The following IL1RAPL1 variants were observed in gnomAD, a reference collection of about 807,000 sequenced individuals.
IL1RAPL1 encodes interleukin-1 receptor accessory protein-like 1.
A neutral mutation model predicts 48.4 loss-of-function variants in IL1RAPL1; 3 were observed. The ratio of observed to expected loss-of-function variants is 0.06; its 90% CI spans 0.03 to 0.16. The LOEUF is 0.16. Ranked by LOEUF, IL1RAPL1 falls within the 10% of genes least tolerant of loss-of-function variation. IL1RAPL1 has a pLI of 1.00. For synonymous variants in IL1RAPL1, 185 were observed against 187.7 expected, an observed-to-expected ratio of 0.99 and a Z score of 0.12; for missense variants, 349 against 530.6, an observed-to-expected ratio of 0.66 and a Z score of 3.36.
At chrX:29,921,764 A>G (rs1054143860) in intron 8 of IL1RAPL1, among the ~76,000 whole-genome samples, 1 of 111,929 alleles carries the variant, frequency 8.9e-6, no homozygotes, top group African/African-American at 3.2e-5. Flanking sequence ...AAAGCATTTC[A>G]CTTTCACTGT....
At position 29,939,221 on chromosome X, in the gene IL1RAPL1, A is replaced by C. The variant is rs754732326; in HGVS notation, c.1058-2430A>C. On this transcript the variant is annotated intron_variant, in intron 8 of 10. Coordinates refer to ENST00000378993, the MANE Select transcript of IL1RAPL1 (RefSeq NM_014271.4). Reference sequence around the variant, plus strand: ...TAGCAATGTTTGGGAGTGGAAGCTAAGTGTTCTTGATTCTTTTTCCATTTC... The same window carrying C: ...TAGCAATGTTTGGGAGTGGAAGCTACGTGTTCTTGATTCTTTTTCCATTTC... Among the ~76,000 whole-genome samples, 4 of 112,284 alleles carry C rather than the reference A, an allele frequency of 3.6e-5. No individual in the cohort carries two copies. The South Asian group carries it at 1.5e-3, about 41-fold the overall frequency.
intron 1 of IL1RAPL1, among the ~76,000 whole-genome samples, chrX:28,599,007 A>G (rs1933989445): frequency 9.1e-6 from 1 of 109,406 alleles, no homozygotes; most frequent in Non-Finnish European, 1.9e-5. Flanking sequence ...TGGGAGGCCG[A>G]GGCAAGGGAA....
Position 28,750,341 on chromosome X carries a change from C to T in IL1RAPL1, c.-24-38979C>T, listed in dbSNP as rs113719556. 4.6e-3 allele frequency among the ~76,000 whole-genome samples: 510 copies of T among 111,540 alleles called. 4 individuals are homozygous for T. Among genetic ancestry groups the T allele is most frequent in the African/African-American group, 0.016 (480 of 30,756 alleles). ...CTTAAAAGTGGAAAAATAAGGTGAA[C>T]ATATTTTGTGACTTGTCCCAGGTAC... On this transcript the variant is annotated intron_variant, in intron 1 of 10. Transcript: ENST00000378993.
intron 3 of IL1RAPL1, among the ~76,000 whole-genome samples, chrX:29,385,094 AT>A (rs1174524354): frequency 1.8e-5 from 2 of 112,069 alleles, no homozygotes; most frequent in Admixed American, 1.9e-4. Context: ...AGTGGCAGTA[AT>A]TACATTCAGA....
Position 29,841,881 on chromosome X carries a change from A to AT in IL1RAPL1, c.779-75581dup, listed in dbSNP as rs1823261030. On this transcript the variant is annotated intron_variant, in intron 6 of 10. Coordinates refer to ENST00000378993, the MANE Select transcript of IL1RAPL1 (RefSeq NM_014271.4). ...AGATAGCATACTATGGCTATAATTT[A>AT]TTACAGCAAAAGGATACGGAACAAG... Among the ~76,000 whole-genome samples the AT allele has an allele frequency of 4.5e-5, 5 of 111,747 alleles. No individual in the cohort carries two copies. The Admixed American group carries it at 4.8e-4, about 11-fold the overall frequency.
At chrX:29,782,423 A>C (rs1199635902) in intron 6 of IL1RAPL1, among the ~76,000 whole-genome samples, 1 of 111,808 alleles carries the variant, frequency 8.9e-6, no homozygotes, top group Non-Finnish European at 1.9e-5. Context: ...GTGAAGAGTC[A>C]TCCATCAAGA....
intron 1 of IL1RAPL1, among the ~76,000 whole-genome samples, chrX:28,661,584 G>C (rs1934822880): frequency 9.0e-6 from 1 of 110,835 alleles, no homozygotes; most frequent in Admixed American, 9.6e-5. Flanking sequence ...GTTTAAACGT[G>C]AAAACATTGT....
chrX:29,738,361 C>G lies in IL1RAPL1; in HGVS notation c.778+69857C>G, dbSNP rs1928101389. Reference sequence around the variant, plus strand: ...AAAGCCTGAGGTAATTCTAAAAGATCCCACTCTGTGGTACAAAATGGCCCT... The same window carrying G: ...AAAGCCTGAGGTAATTCTAAAAGATGCCACTCTGTGGTACAAAATGGCCCT... On this transcript the variant is annotated intron_variant, in intron 6 of 10. Transcript: ENST00000378993. Among the ~76,000 whole-genome samples the G allele has an allele frequency of 2.7e-5, 3 of 111,331 alleles. No individual in the cohort carries two copies. The Admixed American group carries it at 2.9e-4, about 11-fold the overall frequency.
At chrX:29,129,791 T>C (rs1287913843) in intron 2 of IL1RAPL1, among the ~76,000 whole-genome samples, 2 of 108,863 alleles carry the variant, frequency 1.8e-5, no homozygotes, top group African/African-American at 6.7e-5. Flanking sequence ...AGACGGGGTT[T>C]TGCTGTGTTA....
chrX:29,320,780 T>C (rs947141285), intron 3 of IL1RAPL1, among the ~76,000 whole-genome samples: 1 of 109,984 alleles, frequency 9.1e-6, no homozygotes, highest in South Asian at 3.8e-4. Context: ...AAAAAAGGAA[T>C]GAATATTATA....
At chrX:29,599,447 A>G (rs1923650662) in intron 5 of IL1RAPL1, among the ~76,000 whole-genome samples, 1 of 111,844 alleles carries the variant, frequency 8.9e-6, no homozygotes, top group Non-Finnish European at 1.9e-5. Flanking sequence ...CACAGCTCGT[A>G]AGATTCTTTC....
At chrX:28,913,284 C>A (rs1923404830) in intron 2 of IL1RAPL1, among the ~76,000 whole-genome samples, 1 of 111,971 alleles carries the variant, frequency 8.9e-6, no homozygotes, top group African/African-American at 3.2e-5. Context: ...ATCATTCTGT[C>A]TATCCTTGTA....
intron 5 of IL1RAPL1, among the ~76,000 whole-genome samples, chrX:29,443,273 T>G (rs1315052139): frequency 9.2e-6 from 1 of 108,560 alleles, no homozygotes; most frequent in East Asian, 2.9e-4. Flanking sequence ...TCAATCTTAG[T>G]GCTCACAAAT....
At chrX:29,879,357 A>ACG (rs1555929710) in intron 6 of IL1RAPL1, among the ~76,000 whole-genome samples, 135 of 83,970 alleles carry the variant, frequency 1.6e-3, no homozygotes, top group Non-Finnish European at 2.4e-3. Context: ...AGTTTTATAT[A>ACG]TGTGTGTGTG....
At chrX:29,639,555 T>G (rs932348852) in intron 5 of IL1RAPL1, among the ~76,000 whole-genome samples, 34 of 108,213 alleles carry the variant, frequency 3.1e-4, no homozygotes, top group Admixed American at 1.5e-3. Flanking sequence ...GTTTTTTTTT[T>G]TTTTTTTTTT....
rs1181964737 is a variant in IL1RAPL1 at position 29,045,950 on chromosome X, C to CTTCT, written c.83-236987_83-236986insTCTT. On this transcript the variant is annotated intron_variant, in intron 2 of 10. Transcript: ENST00000378993. ...CTCCTCCTCCTCCTTCTTCCTCCTCCTCCTCCTCCTCCTCCTTCTTCTCCT... is the reference window on the plus strand; with the variant it reads ...CTCCTCCTCCTCCTTCTTCCTCCTCCTTCTTCCTCCTCCTCCTCCTTCTTCTCCT... 6.1e-4 allele frequency among the ~76,000 whole-genome samples: 44 copies of CTTCT among 72,232 alleles called. 1 individual carries two copies. Among genetic ancestry groups the CTTCT allele is most frequent in the South Asian group, 1.9e-3 (2 of 1,064 alleles). 62.7% of individuals were successfully genotyped at this position (72,232 alleles called of 115,157 possible).
intron 2 of IL1RAPL1, among the ~76,000 whole-genome samples, chrX:29,111,661 G>A (rs762704805): frequency 9.0e-6 from 1 of 111,477 alleles, no homozygotes; most frequent in Non-Finnish European, 1.9e-5. Context: ...ACTTCAAGGC[G>A]ATGCCATATT....
At chrX:29,867,169 CTTAAACTT>C (rs1238207071) in intron 6 of IL1RAPL1, among the ~76,000 whole-genome samples, 4 of 111,579 alleles carry the variant, frequency 3.6e-5, no homozygotes, top group East Asian at 5.6e-4. Flanking sequence ...TTACAAGACT[CTTAAACTT>C]TTATATGTTT....
chrX:29,379,673 G>A (rs189479522), intron 3 of IL1RAPL1, among the ~76,000 whole-genome samples: 23 of 111,842 alleles, frequency 2.1e-4, no homozygotes, highest in African/African-American at 6.2e-4. Context: ...TAGCCATAAC[G>A]TTCAGGTACC....
Sources: allele counts gnomAD v4.1 joint callset (sites outside exome capture counted in the v4.1 genomes callset), GRCh38; gene constraint gnomAD v4.1.1; transcripts MANE v1.5; gene names NCBI Gene and HGNC (gene_info 2026-07-23, HGNC 2026-07-21).